Variants in TBC1D14 observed in about 807,000 individuals in gnomAD.
The protein encoded by TBC1D14 is TBC1 domain family, member 14.
Under a neutral mutation model 79.0 loss-of-function variants are expected in TBC1D14, and 26 were observed. That is an observed-to-expected ratio of 0.33 (90% CI 0.24 to 0.46). The LOEUF is 0.46. Ranked by LOEUF, TBC1D14 falls within the 20% of genes least tolerant of loss-of-function variation. The probability of loss-of-function intolerance (pLI) is 1.00; values close to 1 mark genes in which losing one functional copy is unlikely to be tolerated. For missense variants in TBC1D14, 769 were observed against 887.6 expected (o/e 0.87, Z 1.70); for synonymous variants, 394 against 349.9 (o/e 1.13, Z -1.40).
chr4:6,940,998 A>G (rs1712851564), intron 2 of TBC1D14, among the ~76,000 whole-genome samples: 1 of 152,150 alleles, frequency 6.6e-6, no homozygotes, highest in African/African-American at 2.4e-5. Context: ...AAAAGGATTG[A>G]ATCAGTTCTT....
At chr4:7,013,492 T>C (rs143493824) in intron 11 of TBC1D14, among the ~76,000 whole-genome samples, 464 of 152,358 alleles carry the variant, frequency 3.0e-3, no homozygotes, top group African/African-American at 0.011. Flanking sequence ...GAGTTCTTTC[T>C]GCTGTCAGCA....
chr4:6,987,462 C>CGA (rs2109121423), intron 3 of TBC1D14: 1 of 1,044,742 alleles, frequency 9.6e-7, no homozygotes, highest in Non-Finnish European at 1.3e-6. Context: ...GTGGAGGGTG[C>CGA]GAGTGTGCAT....
chr4:6,998,702 C>A, intron 5 of TBC1D14: 1 of 190,250 alleles, frequency 5.3e-6, no homozygotes, highest in South Asian at 8.6e-5. Context: ...TCATGCCCAG[C>A]TAATTTTTGT....
intron 3 of TBC1D14, among the ~76,000 whole-genome samples, chr4:6,969,847 G>A (rs1452280910): frequency 1.3e-5 from 2 of 151,940 alleles, no homozygotes; most frequent in African/African-American, 4.8e-5. Context: ...TGCTTCCGTC[G>A]TCAATAATAA....
intron 2 of TBC1D14, among the ~76,000 whole-genome samples, chr4:6,957,034 A>G (rs552021982): frequency 1.7e-4 from 26 of 152,374 alleles, no homozygotes; most frequent in South Asian, 1.0e-3. Context: ...GGAGTGGAGC[A>G]GGAGCATGGT....
chr4:6,911,731 G>A (rs1032112394), intron 1 of TBC1D14, among the ~76,000 whole-genome samples: 2 of 152,162 alleles, frequency 1.3e-5, no homozygotes, highest in African/African-American at 4.8e-5. Flanking sequence ...CTCTCTCAAA[G>A]TGGGGACACA....
chr4:6,913,790 A>C (rs990777827), intron 1 of TBC1D14, among the ~76,000 whole-genome samples: 10 of 152,220 alleles, frequency 6.6e-5, no homozygotes, highest in African/African-American at 9.7e-5. Flanking sequence ...TAATTTACCA[A>C]ATCACTAAGT....
At chr4:7,015,496 G>T (rs907227654) in intron 12 of TBC1D14, among the ~76,000 whole-genome samples, 5 of 152,146 alleles carry the variant, frequency 3.3e-5, no homozygotes, top group Non-Finnish European at 7.3e-5. Flanking sequence ...GTGAGTACAG[G>T]CATCCTGAGA....
chr4:6,945,824 G>T (rs2108988983), intron 2 of TBC1D14, among the ~76,000 whole-genome samples: 1 of 149,312 alleles, frequency 6.7e-6, no homozygotes, highest in Non-Finnish European at 1.5e-5. Flanking sequence ...GCATGGGAGG[G>T]GAAAGACTTA....
At chr4:7,001,566 T>C (rs1466716994) in intron 7 of TBC1D14, 1 of 294,596 alleles carries the variant, frequency 3.4e-6, no homozygotes, top group Non-Finnish European at 6.5e-6. Context: ...GCGACGTGAG[T>C]GTGGAAGGGG....
At chr4:7,016,167 C>G (rs139218488) in intron 12 of TBC1D14, among the ~76,000 whole-genome samples, 140 of 152,316 alleles carry the variant, frequency 9.2e-4, no homozygotes, top group African/African-American at 3.0e-3. Context: ...CTCCACTGAC[C>G]TTTGCTATGA....
At chr4:6,919,652 C>T (rs187454001) in intron 1 of TBC1D14, among the ~76,000 whole-genome samples, 1 of 151,634 alleles carries the variant, frequency 6.6e-6, no homozygotes, top group East Asian at 1.9e-4. Flanking sequence ...ATGGAGTCTC[C>T]CTCTGTCACC....
At position 6,985,736 on chromosome 4, in the gene TBC1D14, T is replaced by C. The variant is rs76864613; in HGVS notation, c.844-8448T>C. 2.7e-4 allele frequency among the ~76,000 whole-genome samples: 41 copies of C among 152,316 alleles called. 1 individual carries two copies. In the East Asian group the frequency reaches 7.9e-3, roughly 29 times the overall value. ...ATAATTAATCTTTAGGCAGCCATGC[T>C]AAAAGTGCCCAGGAATTAATTGAAA... On this transcript the variant is annotated intron_variant, in intron 3 of 13. Coordinates refer to ENST00000409757, the MANE Select transcript of TBC1D14 (RefSeq NM_020773.3).
At chr4:7,008,689 G>A (rs1436454705) in intron 9 of TBC1D14, among the ~76,000 whole-genome samples, 1 of 152,234 alleles carries the variant, frequency 6.6e-6, no homozygotes, top group Non-Finnish European at 1.5e-5. Flanking sequence ...GGGAATACAG[G>A]CGTGAGCCAC....
chr4:6,975,410 A>T (rs1284193986), intron 3 of TBC1D14, among the ~76,000 whole-genome samples: 1 of 151,670 alleles, frequency 6.6e-6, no homozygotes, highest in African/African-American at 2.4e-5. Flanking sequence ...AGGTTTTGCC[A>T]TGTTGCCCAG....
chr4:6,987,367 C>A, intron 3 of TBC1D14: 2 of 1,420,372 alleles, frequency 1.4e-6, no homozygotes, highest in Non-Finnish European at 1.8e-6. Flanking sequence ...GGGGTGCGGG[C>A]CGGTGCCTCT....
intron 12 of TBC1D14, among the ~76,000 whole-genome samples, chr4:7,019,182 C>T (rs900198506): frequency 2.0e-5 from 3 of 152,128 alleles, no homozygotes; most frequent in African/African-American, 7.2e-5. Flanking sequence ...CCACCACCCC[C>T]AGCTAATTTT....
intron 9 of TBC1D14, among the ~76,000 whole-genome samples, chr4:7,009,398 G>A (rs1374995552): frequency 1.3e-5 from 2 of 152,210 alleles, no homozygotes; most frequent in Non-Finnish European, 2.9e-5. Flanking sequence ...TTAGAAGAGT[G>A]TATTTCCTAA....
intron 13 of TBC1D14, among the ~76,000 whole-genome samples, chr4:7,029,298 C>A (rs1442753873): frequency 1.3e-5 from 2 of 152,256 alleles, no homozygotes; most frequent in Non-Finnish European, 2.9e-5. Flanking sequence ...GGCATGGTTC[C>A]TGGCCCCAGG....
Sources: gnomAD v4.1 joint callset for allele counts (sites outside exome capture counted in the v4.1 genomes callset) on GRCh38, gnomAD v4.1.1 for gene constraint, MANE v1.5 for transcripts, NCBI Gene and HGNC (gene_info 2026-07-23, HGNC 2026-07-21) for gene names.